Variants in EMX1 observed in about 807,000 individuals in gnomAD.
The protein encoded by EMX1 is empty spiracles homeobox 1, also known as homeobox protein EMX1.
A neutral mutation model predicts 20.1 loss-of-function variants in EMX1; 10 were observed. The observed-to-expected ratio is 0.50, with a 90% CI of 0.31 to 0.84. The LOEUF is 0.84. Among genes scored for constraint, EMX1 ranks in the 40% least tolerant of loss-of-function variants. The pLI, the probability that EMX1 is intolerant of heterozygous loss-of-function variation, is 0.05. For missense variants in EMX1, 424 were observed against 431.9 expected (o/e 0.98, Z 0.16); for synonymous variants, 250 against 200.4 (o/e 1.25, Z -2.09).
intron 1 of EMX1, among the ~76,000 whole-genome samples, chr2:72,921,214 A>C (rs1161951981): frequency 6.6e-6 from 1 of 152,202 alleles, no homozygotes; most frequent in Non-Finnish European, 1.5e-5. Context: ...AGGGGCCCTA[A>C]AAGAGTGGCT....
chr2:72,918,177 C>T lies in EMX1; in HGVS notation c.325C>T (p.Arg109Cys). The T allele has an allele frequency of 6.6e-7, 1 of 1,523,938 alleles. No individual in the cohort carries two copies. The highest frequency in any genetic ancestry group is 8.7e-7 in the Non-Finnish European group (1 of 1,150,880). 94.4% of individuals were successfully genotyped at this position (1,523,938 alleles called of 1,614,324 possible). A position where few individuals can be genotyped will look rare whatever the true frequency, so the allele number is the denominator to read the frequency against. Residue 109 changes from arginine to cysteine, a missense_variant, in exon 1 of 3, where the codon CGC becomes TGC. By Grantham distance (180) the Arg-to-Cys change is radical (BLOSUM62 -3). Coordinates refer to ENST00000258106, the MANE Select transcript of EMX1 (RefSeq NM_004097.3). ...FPAAAAAGAG[R>C]SLYGGPELVF... ...TGCCGCGGCCGCCGCGGGCGCGGGC[C>T]GCTCGCTCTACGGTGGGCCCGAGCT...
chr2:72,926,643 G>C (rs1671205587), intron 2 of EMX1, among the ~76,000 whole-genome samples: 1 of 152,150 alleles, frequency 6.6e-6, no homozygotes, highest in African/African-American at 2.4e-5. Context: ...ACCTCTCTGA[G>C]CTCTGGTTTC....
chr2:72,916,642 G>C (rs1437293549), upstream of EMX1: 1 of 704,640 alleles, frequency 1.4e-6, no homozygotes, highest in East Asian at 2.7e-5. Flanking sequence ...AGGGAGGTCA[G>C]GCTGCTTCTG....
At chr2:72,919,052 G>A (rs1671052044) in intron 1 of EMX1, among the ~76,000 whole-genome samples, 1 of 152,218 alleles carries the variant, frequency 6.6e-6, no homozygotes, top group Non-Finnish European at 1.5e-5. Context: ...CCACCCGGCT[G>A]CTGGAATACC....
intron 1 of EMX1, among the ~76,000 whole-genome samples, chr2:72,921,122 G>GGGTGCTTCGGATCCCT (rs1671096488): frequency 6.6e-6 from 1 of 152,154 alleles, no homozygotes; most frequent in Non-Finnish European, 1.5e-5. Context: ...CTCGGACCCC[G>GGGTGCTTCGGATCCCT]GGTGCTTCGG....
chr2:72,919,828 C>A (rs1391029068), intron 1 of EMX1, among the ~76,000 whole-genome samples: 3 of 152,270 alleles, frequency 2.0e-5, no homozygotes, highest in Non-Finnish European at 4.4e-5. Context: ...GCAAGAGTTT[C>A]TGCCACTTAA....
In EMX1 at chr2:72,934,683, ACT is replaced by A. The variant is rs960762168; in HGVS notation, c.*732_*733del. 2.0e-5 allele frequency: 3 copies of A among 151,576 alleles called. No homozygotes were observed. The highest frequency in any genetic ancestry group is 4.9e-5 in the African/African-American group (2 of 41,174). 9.4% of individuals were successfully genotyped at this position (151,576 alleles called of 1,614,324 possible). ...GGAGAGTGCTTCCCTCTGCCTAGAG[ACT>A]CTGGTGGCTTCTCCAGTTGAGGAGA... On this transcript the variant is annotated 3_prime_UTR_variant, in exon 3 of 3. Coordinates refer to ENST00000258106, the MANE Select transcript of EMX1 (RefSeq NM_004097.3).
intron 2 of EMX1, chr2:72,932,854 C>T (rs928492903): frequency 6.6e-6 from 1 of 152,362 alleles, no homozygotes; most frequent in African/African-American, 2.4e-5. Flanking sequence ...CCCTGGGCTT[C>T]TCCTGACTGT....
chr2:72,931,592 C>G (rs1671287006), intron 2 of EMX1, among the ~76,000 whole-genome samples: 1 of 152,196 alleles, frequency 6.6e-6, no homozygotes, highest in African/African-American at 2.4e-5. Flanking sequence ...GAGAACCACC[C>G]AGGGTCCAGG....
chr2:72,926,342 A>G lies in EMX1; in HGVS notation c.705+1849A>G, dbSNP rs1040669085. On this transcript the variant is annotated intron_variant, in intron 2 of 2. Transcript: ENST00000258106. ...TTTTATTATGAGACATTTCAAACAT[A>G]TATTTAAAACAAAACCAGATAGAAT... 5.2e-6 allele frequency: 5 copies of G among 960,062 alleles called. No individual in the cohort carries two copies. In the African/African-American group the frequency reaches 8.8e-5, roughly 17 times the overall value. The allele number at this position is 960,062 out of a possible 1,614,324, so 59.5% of individuals were successfully genotyped here. A position where few individuals can be genotyped will look rare whatever the true frequency, so the allele number is the denominator to read the frequency against.
upstream of EMX1, among the ~76,000 whole-genome samples, chr2:72,917,313 A>G (rs1022259560): frequency 7.2e-5 from 11 of 151,952 alleles, no homozygotes; most frequent in Non-Finnish European, 2.9e-5. Flanking sequence ...CGGCCACCAG[A>G]CTCAGCTAAA....
At chr2:72,916,629 T>G (rs1670966626), upstream of EMX1, 3 of 692,784 alleles carry the variant, frequency 4.3e-6, no homozygotes, top group Admixed American at 6.1e-5. Context: ...AAGGTGAAGG[T>G]CGAGGGAGGT....
intron 1 of EMX1, among the ~76,000 whole-genome samples, chr2:72,918,633 C>T (rs535825749): frequency 3.3e-5 from 5 of 152,386 alleles, no homozygotes; most frequent in Non-Finnish European, 5.9e-5. Flanking sequence ...AGCCCAGGCG[C>T]GTCCTCGGAG....
In EMX1 at chr2:72,918,283, C is replaced by G. The variant is rs760283603; in HGVS notation, c.431C>G (p.Pro144Arg). Residue 144 changes from proline (P) to arginine (R), a missense_variant, in exon 1 of 3, where the codon CCG (proline) becomes CGG (arginine). This residue lies in a region of EMX1 where 333 missense variants were observed against 296.6 expected (regional missense o/e 1.12). Transcript: ENST00000258106. ...CTGGGCGCCTCCCCGCTGCAGCCCC[C>G]GCACTCCTTCTTCGGCGCCCAGCAC... is the stretch of plus-strand genomic sequence containing the variant. ...HQLGASPLQP[P>R]HSFFGAQHRD... The G allele has an allele frequency of 1.3e-6, 2 of 1,576,064 alleles. No individual in the cohort carries two copies. Among genetic ancestry groups the G allele is most frequent in the South Asian group, 2.3e-5 (2 of 88,342 alleles).
At chr2:72,920,309 C>T (rs1235288868) in intron 1 of EMX1, among the ~76,000 whole-genome samples, 1 of 152,224 alleles carries the variant, frequency 6.6e-6, no homozygotes, top group African/African-American at 2.4e-5. Flanking sequence ...CCAGCGGGTA[C>T]GTTATCGAGT....
intron 2 of EMX1, among the ~76,000 whole-genome samples, chr2:72,931,835 C>T (rs1487399817): frequency 6.6e-6 from 1 of 152,256 alleles, no homozygotes; most frequent in Non-Finnish European, 1.5e-5. Flanking sequence ...TGCCCCCATC[C>T]CCATGCCAGT....
At chr2:72,933,144 GACCACACAGTGTGT>G in intron 2 of EMX1, 2 of 152,310 alleles carry the variant, frequency 1.3e-5, no homozygotes, top group Non-Finnish European at 2.9e-5. Context: ...CCCTGAAGGA[GACCACACAGTGTGT>G]GAGGTTGGAG....
intron 2 of EMX1, chr2:72,926,446 G>A (rs555495656): frequency 1.5e-4 from 61 of 394,262 alleles, no homozygotes; most frequent in Non-Finnish European, 2.0e-4. Flanking sequence ...GCTGCTTTTT[G>A]CATATGGTAC....
chr2:72,919,952 G>A (rs1371311041), intron 1 of EMX1, among the ~76,000 whole-genome samples: 2 of 152,250 alleles, frequency 1.3e-5, no homozygotes, highest in Non-Finnish European at 2.9e-5. Flanking sequence ...CAGGGGCCGA[G>A]TTGTAGTTGG....
Sources: allele counts gnomAD v4.1 joint callset (sites outside exome capture counted in the v4.1 genomes callset), GRCh38; gene constraint gnomAD v4.1.1; regional missense constraint gnomAD v4.1.1; transcripts MANE v1.5; gene names NCBI Gene and HGNC (gene_info 2026-07-23, HGNC 2026-07-21).